TNRC6B: variants seen among roughly 807,000 people sequenced by gnomAD.
TNRC6B encodes trinucleotide repeat-containing gene 6B protein.
A neutral mutation model predicts 203.6 loss-of-function variants in TNRC6B; 52 were observed. That is an observed-to-expected ratio of 0.26 (90% CI 0.20 to 0.32). TNRC6B has a LOEUF of 0.32. Among genes scored for constraint, TNRC6B ranks in the 10% least tolerant of loss-of-function variants. TNRC6B has a pLI of 1.00. For synonymous variants in TNRC6B, 838 were observed against 845.7 expected (o/e 0.99, Z 0.16); for missense variants, 1,923 against 2,286.2 (o/e 0.84, Z 3.24).
At chr22:40,134,966 T>A (rs925771176) in intron 3 of TNRC6B, among the ~76,000 whole-genome samples, 2 of 152,240 alleles carry the variant, frequency 1.3e-5, no homozygotes, top group African/African-American at 4.8e-5. Context: ...AAAGTGGTAT[T>A]GGCTGGAGTT....
At chr22:40,210,708 A>G (rs1038298244) in intron 1 of TNRC6B, among the ~76,000 whole-genome samples, 2 of 152,236 alleles carry the variant, frequency 1.3e-5, no homozygotes, top group Admixed American at 6.5e-5. Flanking sequence ...GGTAGCAAAC[A>G]TTCATTGATA....
chr22:40,085,138 C>G (rs2068090614), intron 1 of TNRC6B, among the ~76,000 whole-genome samples: 1 of 152,220 alleles, frequency 6.6e-6, no homozygotes, highest in South Asian at 2.1e-4. Context: ...CTCCAGCTAA[C>G]AGCTACCATG....
chr22:40,292,842 A>T (rs908431947), intron 12 of TNRC6B, among the ~76,000 whole-genome samples: 1 of 152,236 alleles, frequency 6.6e-6, no homozygotes, highest in African/African-American at 2.4e-5. Context: ...TAAAATTGTC[A>T]GTTTATGGAA....
intron 1 of TNRC6B, among the ~76,000 whole-genome samples, chr22:40,098,875 A>G (rs889463169): frequency 6.6e-6 from 1 of 152,054 alleles, no homozygotes; most frequent in Admixed American, 6.6e-5. Context: ...TTTAAGGCAT[A>G]TGCTACCATA....
At chr22:40,296,680 T>G (rs1456527111) in intron 12 of TNRC6B, among the ~76,000 whole-genome samples, 1 of 150,170 alleles carries the variant, frequency 6.7e-6, no homozygotes, top group African/African-American at 2.5e-5. Flanking sequence ...CAGGCTGGAG[T>G]GCAGTGGCAC....
At chr22:40,286,625 G>A (rs2070787006) in intron 12 of TNRC6B, among the ~76,000 whole-genome samples, 1 of 152,198 alleles carries the variant, frequency 6.6e-6, no homozygotes, top group Non-Finnish European at 1.5e-5. Flanking sequence ...TAATGAAGTA[G>A]CAGAGACTCC....
rs73420553 is a variant in TNRC6B, at chr22:40,291,114, G to C, written c.3708+5344G>C. Among the ~76,000 whole-genome samples the C allele has an allele frequency of 6.7e-3, 1,025 of 152,270 alleles. 7 individuals are homozygous for C. The highest frequency in any genetic ancestry group is 0.023 in the African/African-American group (953 of 41,542). On this transcript the variant is annotated intron_variant, in intron 12 of 22. Transcript: ENST00000454349. ...TCTGAAGAAAGAAAAGGCCAGGCAC[G>C]GTGGTTTACTCCTATAATCCCAGCA...
intron 3 of TNRC6B, among the ~76,000 whole-genome samples, chr22:40,128,922 C>T (rs2068518602): frequency 6.6e-6 from 1 of 151,888 alleles, no homozygotes; most frequent in Non-Finnish European, 1.5e-5. Flanking sequence ...TAGTGGGAGA[C>T]ATGAATAAAT....
At chr22:40,173,774 C>CATATATATATATATATATATATATATAT (rs1390905827), upstream of TNRC6B, among the ~76,000 whole-genome samples, 2 of 21,262 alleles carry the variant, frequency 9.4e-5, 1 homozygote, top group Non-Finnish European at 1.7e-4. Flanking sequence ...GATTTTTGAA[C>CATATATATATATATATATATATATATAT]ATATATATAT....
At chr22:40,153,003 G>A (rs993815956) in intron 3 of TNRC6B, among the ~76,000 whole-genome samples, 2 of 152,000 alleles carry the variant, frequency 1.3e-5, no homozygotes, top group South Asian at 2.1e-4. Context: ...TCGGGAGGCT[G>A]AGACAGGAGA....
At chr22:40,231,710 A>G (rs7285467) in intron 1 of TNRC6B, among the ~76,000 whole-genome samples, 1 of 152,190 alleles carries the variant, frequency 6.6e-6, no homozygotes, top group African/African-American at 2.4e-5. Context: ...GGTTCACACA[A>G]CCGCTGGAAA....
chr22:40,111,227 C>T lies in TNRC6B; in HGVS notation c.-120-5828C>T, dbSNP rs145964169. 3.9e-4 allele frequency among the ~76,000 whole-genome samples: 60 copies of T among 152,338 alleles called. 2 individuals carry two copies. The East Asian group carries it at 6.9e-3, about 18-fold the overall frequency. ...GCACGTTCAACGGCACGCGAAACCA[C>T]GTGGTGCTCAAGGGAAATGGAAAAC... On this transcript the variant is annotated intron_variant, in intron 1 of 23. Coordinates refer to the TNRC6B transcript ENST00000301923.
chr22:40,107,318 A>G (rs1270846707), intron 1 of TNRC6B, among the ~76,000 whole-genome samples: 1 of 152,184 alleles, frequency 6.6e-6, no homozygotes, highest in Non-Finnish European at 1.5e-5. Flanking sequence ...CTAACTTATT[A>G]GTACTCCTCT....
chr22:40,292,549 C>T (rs1029470004), intron 12 of TNRC6B, among the ~76,000 whole-genome samples: 1 of 152,162 alleles, frequency 6.6e-6, no homozygotes, highest in Non-Finnish European at 1.5e-5. Context: ...AATGCCATAT[C>T]GATTGCAACA....
intron 1 of TNRC6B, among the ~76,000 whole-genome samples, chr22:40,055,050 G>T (rs2067781579): frequency 6.6e-6 from 1 of 152,054 alleles, no homozygotes; most frequent in Admixed American, 6.6e-5. Context: ...AAAAAGAAAA[G>T]AAATTATGCT....
Position 40,211,375 on chromosome 22 carries a change from G to A in TNRC6B, c.5+33235G>A, listed in dbSNP as rs540118328. On this transcript the variant is annotated intron_variant, in intron 1 of 22. Coordinates refer to ENST00000454349, the MANE Select transcript of TNRC6B (RefSeq NM_001162501.2). ...ATTACAGGCATGAGCCACCATGCCC[G>A]GCCTGTTCTTTTTTTTCTTTTATTC... Among the ~76,000 whole-genome samples, 67 of 105,766 alleles carry A rather than the reference G, an allele frequency of 6.3e-4. 1 individual carries two copies. In the East Asian group the frequency reaches 0.014, roughly 23 times the overall value. 69.4% of individuals were successfully genotyped at this position (105,766 alleles called of 152,430 possible).
At chr22:40,049,398 C>T (rs1296988693) in intron 1 of TNRC6B, among the ~76,000 whole-genome samples, 3 of 152,076 alleles carry the variant, frequency 2.0e-5, no homozygotes, top group South Asian at 2.1e-4. Context: ...TTTGGGGCGT[C>T]GTTCCTTTCC....
chr22:40,137,838 G>A (rs1342149663), intron 3 of TNRC6B, among the ~76,000 whole-genome samples: 1 of 152,032 alleles, frequency 6.6e-6, no homozygotes, highest in Non-Finnish European at 1.5e-5. Context: ...ACAAAAATTA[G>A]CCGGGCATGG....
Position 40,326,109 on chromosome 22 carries a change from CAG to C in TNRC6B, c.*2869_*2870del, listed in dbSNP as rs1038063989. ...GAAGACTAACTCTGGGAGCATTTAACAGTGTTTTTTGTTTCTGTTTTTAACAT... is the reference window on the plus strand; with the variant it reads ...GAAGACTAACTCTGGGAGCATTTAACTGTTTTTTGTTTCTGTTTTTAACAT... On this transcript the variant is annotated 3_prime_UTR_variant, in exon 23 of 23. Coordinates refer to ENST00000454349, the MANE Select transcript of TNRC6B (RefSeq NM_001162501.2). 1.3e-5 allele frequency: 2 copies of C among 152,034 alleles called. No individual in the cohort carries two copies. Among genetic ancestry groups the C allele is most frequent in the Non-Finnish European group, 2.9e-5 (2 of 67,944 alleles). 9.4% of individuals were successfully genotyped at this position (152,034 alleles called of 1,614,324 possible).
Sources: gnomAD v4.1 joint callset for allele counts (sites outside exome capture counted in the v4.1 genomes callset) on GRCh38, gnomAD v4.1.1 for gene constraint, MANE v1.5 for transcripts, NCBI Gene and HGNC (gene_info 2026-07-23, HGNC 2026-07-21) for gene names.